The following KCND2 variants were observed in gnomAD, a reference collection of about 807,000 sequenced individuals.
The protein encoded by KCND2 is potassium voltage-gated channel subfamily D member 2.
A neutral mutation model predicts 54.4 loss-of-function variants in KCND2; 16 were observed. That is an observed-to-expected ratio of 0.29 (90% CI 0.20 to 0.45). KCND2 has a LOEUF of 0.45. Among genes scored for constraint, KCND2 ranks in the 20% least tolerant of loss-of-function variants. The pLI is 1.00. For missense variants in KCND2, 486 were observed against 824.2 expected (o/e 0.59, Z 5.02); for synonymous variants, 317 against 310.7 (o/e 1.02, Z -0.21).
chr7:120,611,013 T>A (rs1028160514), intron 1 of KCND2, among the ~76,000 whole-genome samples: 2 of 152,146 alleles, frequency 1.3e-5, no homozygotes, highest in African/African-American at 4.8e-5. Context: ...CCCAAAGAAA[T>A]CACTTGTTAT....
At chr7:120,528,432 T>A (rs1791803453) in intron 1 of KCND2, among the ~76,000 whole-genome samples, 1 of 152,142 alleles carries the variant, frequency 6.6e-6, no homozygotes, top group African/African-American at 2.4e-5. Flanking sequence ...AGTTTGGAGT[T>A]ATTAAATCAA....
At chr7:120,464,017 G>GTTT in intron 1 of KCND2, 35 of 788,418 alleles carry the variant, frequency 4.4e-5, no homozygotes, top group South Asian at 5.9e-5. Context: ...TCTTAGTTTT[G>GTTT]TTTTTTTTTT....
At chr7:120,501,523 T>C (rs1802933128) in intron 1 of KCND2, among the ~76,000 whole-genome samples, 1 of 152,162 alleles carries the variant, frequency 6.6e-6, no homozygotes, top group South Asian at 2.1e-4. Flanking sequence ...CCCTCTTCCC[T>C]TTCAGAGCAT....
rs10571787 is a variant in KCND2 at position 120,739,798 on chromosome 7, A to AACACACACACACACAC, written c.1279-1717_1279-1702dup. ...AAATTTGGTAAGACTTAACAAAAGA[A>AACACACACACACACAC]ACACACACACACACACACACACACA... On this transcript the variant is annotated intron_variant, in intron 2 of 5. Coordinates refer to ENST00000331113, the MANE Select transcript of KCND2 (RefSeq NM_012281.3). 6.2e-5 allele frequency among the ~76,000 whole-genome samples: 9 copies of AACACACACACACACAC among 144,064 alleles called. No homozygotes were observed. The East Asian group carries it at 1.6e-3, about 26-fold the overall frequency. The allele number at this position is 144,064 out of a possible 152,430, so 94.5% of individuals were successfully genotyped here.
chr7:120,395,391 T>C (rs1801139177), intron 1 of KCND2, among the ~76,000 whole-genome samples: 1 of 152,022 alleles, frequency 6.6e-6, no homozygotes, highest in African/African-American at 2.4e-5. Flanking sequence ...TGGCTTACAG[T>C]ATTGAAGAAG....
At position 120,596,059 on chromosome 7, in the gene KCND2, T is replaced by C. The variant is rs138178414; in HGVS notation, c.1116-136844T>C. ...ACCAGACCCCAATGTTTTCAGCCTC[T>C]TTATTACTGTGATGTCAAATGAATT... On this transcript the variant is annotated intron_variant, in intron 1 of 5. Transcript: ENST00000331113. Among the ~76,000 whole-genome samples the C allele has an allele frequency of 3.8e-3, 573 of 152,276 alleles. 2 individuals carry two copies. Among genetic ancestry groups the C allele is most frequent in the African/African-American group, 0.013 (529 of 41,552 alleles).
chr7:120,532,086 T>C (rs1791849674), intron 1 of KCND2, among the ~76,000 whole-genome samples: 1 of 152,124 alleles, frequency 6.6e-6, no homozygotes, highest in South Asian at 2.1e-4. Flanking sequence ...TTAAAATTTA[T>C]CATTAAAAAT....
At position 120,742,617 on chromosome 7, in the gene KCND2, T is replaced by A. The variant is rs375529577; in HGVS notation, c.1467+15T>A. The A allele has an allele frequency of 1.9e-6, 3 of 1,591,564 alleles. No homozygotes were observed. The highest frequency in any genetic ancestry group is 2.6e-6 in the Non-Finnish European group (3 of 1,159,780). On this transcript the variant is annotated intron_variant, in intron 4 of 5. Transcript: ENST00000331113. ...AAAAAACCACGGTAAGGAGACAGCA[T>A]GACTGCCTTCCCTTGCTCTCTGACA... is the stretch of plus-strand genomic sequence containing the variant.
chr7:120,334,689 C>T (rs1232538527), intron 1 of KCND2, among the ~76,000 whole-genome samples: 1 of 152,118 alleles, frequency 6.6e-6, no homozygotes, highest in African/African-American at 2.4e-5. Context: ...TTCAGTAGTG[C>T]CAAGGTGATA....
rs1297938011 is a variant in KCND2, at chr7:120,666,267, GA to G, written c.1116-66632del. On this transcript the variant is annotated intron_variant, in intron 1 of 5. Transcript: ENST00000331113. ...AAAGAACATTGTGATCTATGGTATT[GA>G]AAAGCAGGAATAAAGAGAAAGAGCA... is the stretch of plus-strand genomic sequence containing the variant. Among the ~76,000 whole-genome samples the G allele has an allele frequency of 2.6e-5, 4 of 151,942 alleles. No individual in the cohort carries two copies. In the East Asian group the frequency reaches 7.7e-4, roughly 29 times the overall value.
intron 1 of KCND2, among the ~76,000 whole-genome samples, chr7:120,376,840 A>G (rs1800840931): frequency 6.6e-6 from 1 of 151,940 alleles, no homozygotes. Flanking sequence ...TGTTCTTTAA[A>G]GCATTCACAC....
chr7:120,712,651 A>G (rs1792555792), intron 1 of KCND2, among the ~76,000 whole-genome samples: 1 of 152,154 alleles, frequency 6.6e-6, no homozygotes, highest in Non-Finnish European at 1.5e-5. Flanking sequence ...AAATGTCCAT[A>G]ATGAAAAGTG....
chr7:120,455,969 T>TA (rs1332474949), intron 1 of KCND2, among the ~76,000 whole-genome samples: 3 of 152,022 alleles, frequency 2.0e-5, no homozygotes, highest in East Asian at 1.9e-4. Flanking sequence ...AAGCAAAAGT[T>TA]AAAAAAATAA....
intron 1 of KCND2, among the ~76,000 whole-genome samples, chr7:120,412,885 C>T (rs1418512222): frequency 6.6e-6 from 1 of 152,088 alleles, no homozygotes; most frequent in African/African-American, 2.4e-5. Flanking sequence ...CCTTTAAAGT[C>T]TACAGCTTCC....
intron 1 of KCND2, among the ~76,000 whole-genome samples, chr7:120,482,904 A>G (rs573832194): frequency 6.6e-6 from 1 of 152,172 alleles, no homozygotes; most frequent in Non-Finnish European, 1.5e-5. Context: ...CTTATGATTA[A>G]TTGCGTCACT....
Position 120,646,725 on chromosome 7 carries a change from G to A in KCND2, c.1116-86178G>A, listed in dbSNP as rs146193858. Reference sequence around the variant, plus strand: ...AAAGTAATAGATATCCTACTAGTGGGGAAAATAATGAAATAGTTTTGTCTT... The same window carrying A: ...AAAGTAATAGATATCCTACTAGTGGAGAAAATAATGAAATAGTTTTGTCTT... On this transcript the variant is annotated intron_variant, in intron 1 of 5. Transcript: ENST00000331113. 1.2e-3 allele frequency among the ~76,000 whole-genome samples: 178 copies of A among 152,272 alleles called. 1 individual carries two copies. Among genetic ancestry groups the A allele is most frequent in the Middle Eastern group, 6.8e-3 (2 of 294 alleles).
chr7:120,346,963 C>G (rs1246126820), intron 1 of KCND2, among the ~76,000 whole-genome samples: 1 of 152,088 alleles, frequency 6.6e-6, no homozygotes, highest in African/African-American at 2.4e-5. Flanking sequence ...AGTTCCTTCC[C>G]TCTAAGGGAT....
chr7:120,289,055 C>A (rs10278548), intron 1 of KCND2, among the ~76,000 whole-genome samples: 576 of 24,552 alleles, frequency 0.023, 3 homozygotes, highest in South Asian at 0.13. Flanking sequence ...CACACACACA[C>A]ACACACACAC....
chr7:120,602,322 C>T (rs557326262), intron 1 of KCND2, among the ~76,000 whole-genome samples: 2 of 152,160 alleles, frequency 1.3e-5, no homozygotes, highest in South Asian at 4.2e-4. Context: ...CTGTTTTTTC[C>T]ACAAGTGCAC....
Sources: gnomAD v4.1 joint callset for allele counts (sites outside exome capture counted in the v4.1 genomes callset) on GRCh38, gnomAD v4.1.1 for gene constraint, MANE v1.5 for transcripts, NCBI Gene and HGNC (gene_info 2026-07-23, HGNC 2026-07-21) for gene names.